Variants in FAM83D observed in about 807,000 individuals in gnomAD.
The protein encoded by FAM83D is protein FAM83D.
In FAM83D, 26 loss-of-function variants were observed where a neutral mutation model predicts 25.4. The observed-to-expected ratio is 1.02, with a 90% CI of 0.75 to 1.42. FAM83D has a LOEUF of 1.42. Ranked by LOEUF, FAM83D falls within the 40% of genes most tolerant of loss-of-function variation. The probability of loss-of-function intolerance (pLI) is 0.00; values close to 1 mark genes in which losing one functional copy is unlikely to be tolerated. For synonymous variants in FAM83D, 310 were observed against 318.5 expected, an observed-to-expected ratio of 0.97 and a Z score of 0.28; for missense variants, 740 against 758.1, an observed-to-expected ratio of 0.98 and a Z score of 0.28.
At chr20:38,948,206 A>T (rs1450538681) in intron 3 of FAM83D, among the ~76,000 whole-genome samples, 1 of 152,192 alleles carries the variant, frequency 6.6e-6, no homozygotes, top group Admixed American at 6.5e-5. Context: ...TGTAGTCCAT[A>T]GATTAAAATG....
At chr20:38,931,836 T>C (rs1385909981) in intron 1 of FAM83D, among the ~76,000 whole-genome samples, 1 of 152,242 alleles carries the variant, frequency 6.6e-6, no homozygotes, top group Non-Finnish European at 1.5e-5. Flanking sequence ...GTAAATACTG[T>C]AGGGGCCTAT....
Position 38,952,560 on chromosome 20 carries a change from A to G in FAM83D, c.*40A>G, listed in dbSNP as rs1158690585. 4 of 1,569,838 alleles carry G rather than the reference A, an allele frequency of 2.5e-6. No homozygotes were observed. Among genetic ancestry groups the G allele is most frequent in the East Asian group, 2.2e-5 (1 of 44,450 alleles). ...GACTCCTGGTTTCTTCCAGGCTTACAGTGGACATCATCAGCTTCCTGCTTT... is the reference window on the plus strand; with the variant it reads ...GACTCCTGGTTTCTTCCAGGCTTACGGTGGACATCATCAGCTTCCTGCTTT... On this transcript the variant is annotated 3_prime_UTR_variant, in exon 4 of 4. Coordinates refer to ENST00000619850, the MANE Select transcript of FAM83D (RefSeq NM_030919.3).
rs999357292 is a variant in FAM83D, at chr20:38,952,717, T to C, written c.*197T>C. On this transcript the variant is annotated 3_prime_UTR_variant, in exon 4 of 4. Transcript: ENST00000619850. ...ATGTATATACCAGGTATTGGTTTTA[T>C]GGTTTAAACACTATGGATACAGGGG... The C allele has an allele frequency of 3.1e-6, 2 of 646,568 alleles. No individual in the cohort carries two copies. Among genetic ancestry groups the C allele is most frequent in the South Asian group, 2.0e-5 (1 of 49,578 alleles). The allele number at this position is 646,568 out of a possible 1,614,324, so 40.1% of individuals were successfully genotyped here. A position where few individuals can be genotyped will look rare whatever the true frequency, so the allele number is the denominator to read the frequency against.
intron 1 of FAM83D, among the ~76,000 whole-genome samples, chr20:38,929,790 TAA>T (rs763008692): frequency 6.8e-4 from 88 of 128,650 alleles, no homozygotes; most frequent in African/African-American, 1.1e-3. Context: ...CCTGTCTCTT[TAA>T]AAAAAAAAAA....
intron 1 of FAM83D, among the ~76,000 whole-genome samples, chr20:38,929,727 A>G (rs1270098739): frequency 6.6e-6 from 1 of 151,184 alleles, no homozygotes; most frequent in Non-Finnish European, 1.5e-5. Flanking sequence ...GTAGTACACT[A>G]TGACTACGCT....
At chr20:38,938,169 C>T (rs774192379) in intron 1 of FAM83D, among the ~76,000 whole-genome samples, 35 of 152,360 alleles carry the variant, frequency 2.3e-4, no homozygotes, top group Admixed American at 3.3e-4. Context: ...TAGGTATTTA[C>T]TCACCATATA....
intron 1 of FAM83D, among the ~76,000 whole-genome samples, chr20:38,941,401 A>G (rs1350992183): frequency 6.6e-6 from 1 of 152,226 alleles, no homozygotes; most frequent in African/African-American, 2.4e-5. Flanking sequence ...TGAATGGGAC[A>G]GGCCTTAAAA....
At chr20:38,927,498 C>CTTT (rs1173092369) in intron 1 of FAM83D, among the ~76,000 whole-genome samples, 305 of 101,386 alleles carry the variant, frequency 3.0e-3, no homozygotes, top group Middle Eastern at 6.3e-3. Context: ...TCTTTCTTGT[C>CTTT]TTTTTTTTTT....
Position 38,935,886 on chromosome 20 carries a change from A to G in FAM83D, c.484-6073A>G, listed in dbSNP as rs528779998. ...CAAGATAGTTACTTAAAGGTTTTTG[A>G]CAAAATCCCAAGGAGATTATTTCTG... On this transcript the variant is annotated intron_variant, in intron 1 of 3. Transcript: ENST00000619850. Among the ~76,000 whole-genome samples the G allele has an allele frequency of 8.5e-4, 129 of 152,360 alleles. 1 individual carries two copies. Among genetic ancestry groups the G allele is most frequent in the African/African-American group, 3.0e-3 (125 of 41,580 alleles).
intron 1 of FAM83D, among the ~76,000 whole-genome samples, chr20:38,938,626 C>T (rs140190527): frequency 3.9e-5 from 6 of 152,312 alleles, no homozygotes; most frequent in African/African-American, 9.6e-5. Context: ...AAATCCGTTT[C>T]GAAGCTCACC....
In FAM83D at chr20:38,926,780, T is replaced by G; in HGVS notation, c.338T>G (p.Leu113Trp). ...PEQSDLEPPL[L>W]ELGWPAFYQG... ...CAGTCGGACCTGGAGCCACCGCTGT[T>G]GGAGCTTGGCTGGCCCGCCTTCTAC... Residue 113 changes from leucine (L) to tryptophan (W), a missense_variant, in exon 1 of 4, where the codon TTG becomes TGG. This residue lies in a region of FAM83D where 333 missense variants were observed against 298.6 expected (regional missense o/e 1.12). Coordinates refer to ENST00000619850, the MANE Select transcript of FAM83D (RefSeq NM_030919.3). 6.5e-7 allele frequency: 1 copy of G among 1,548,076 alleles called. No individual in the cohort carries two copies. The highest frequency in any genetic ancestry group is 8.7e-7 in the Non-Finnish European group (1 of 1,152,894).
At chr20:38,927,043 C>G (rs1204055695) in intron 1 of FAM83D, 118 bp downstream of exon 1, 1 of 1,377,646 alleles carries the variant, frequency 7.3e-7, no homozygotes, top group Admixed American at 3.6e-5. Flanking sequence ...ACCGGAAGCG[C>G]GCGCGGGCTA....
intron 1 of FAM83D, 60 bp from the exon 2 acceptor site, chr20:38,941,899 G>C (rs2085703683): frequency 6.5e-7 from 1 of 1,542,382 alleles, no homozygotes. Context: ...AGTCCAGAGA[G>C]CGTGCTGTAA....
Position 38,926,509 on chromosome 20 carries a change from A to G in FAM83D, c.67A>G (p.Asn23Asp). ...CTGCCTGTCGCCGTGCGGGCCGCCC[A>G]ACCCGACCGAGCTGTTCAGCGAGTC... ...AACLSPCGPP[N>D]PTELFSESRR... The change falls in exon 1 of 4, where the codon AAC (asparagine) becomes GAC (aspartate). Residue 23 changes from asparagine to aspartate, a missense_variant. Transcript: ENST00000619850. 1 of 1,595,526 alleles carries G rather than the reference A, an allele frequency of 6.3e-7. No individual in the cohort carries two copies.
At chr20:38,930,509 C>G (rs2087448696) in intron 1 of FAM83D, among the ~76,000 whole-genome samples, 1 of 152,020 alleles carries the variant, frequency 6.6e-6, no homozygotes, top group South Asian at 2.1e-4. Context: ...AAGACAGAGT[C>G]TTGCTCTGTC....
chr20:38,947,726 A>T, intron 2 of FAM83D, 150 bp from the exon 3 acceptor site: 1 of 801,496 alleles, frequency 1.2e-6, no homozygotes, highest in Non-Finnish European at 2.0e-6. Context: ...TGTACCATGT[A>T]TACTGTCACT....
In FAM83D at chr20:38,951,704, C is replaced by CA; in HGVS notation, c.943dup (p.Thr315AsnfsTer22). 6.2e-7 allele frequency: 1 copy of CA among 1,614,212 alleles called. No homozygotes were observed. Among genetic ancestry groups the CA allele is most frequent in the Non-Finnish European group, 8.5e-7 (1 of 1,180,044 alleles). On this transcript the variant is annotated frameshift_variant, in exon 4 of 4. Coordinates refer to ENST00000619850, the MANE Select transcript of FAM83D (RefSeq NM_030919.3). LOFTEE classifies it low-confidence loss of function (END_TRUNC). ...AGAGCAGCAACAAGTTTGATCACCTCACCAACCGAAAACCACAGTCCAAGG... is the reference window on the plus strand; with the variant it reads ...AGAGCAGCAACAAGTTTGATCACCTCAACCAACCGAAAACCACAGTCCAAGG...
intron 1 of FAM83D, among the ~76,000 whole-genome samples, chr20:38,940,338 T>A (rs1222732610): frequency 6.6e-6 from 1 of 151,866 alleles, no homozygotes; most frequent in Non-Finnish European, 1.5e-5. Context: ...GGCCCTGGAG[T>A]GTTGGAGAAA....
Position 38,926,488 on chromosome 20 carries a change from C to G in FAM83D, c.46C>G (p.Leu16Val), listed in dbSNP as rs772376318. 2.5e-6 allele frequency: 4 copies of G among 1,597,526 alleles called. No homozygotes were observed. The African/African-American group carries it at 5.3e-5, about 21-fold the overall frequency. Residue 16 changes from leucine (L) to valine (V), a missense_variant, in exon 1 of 4, where the codon CTG (leucine) becomes GTG (valine). Leu to Val is a conservative substitution (Grantham distance 32, BLOSUM62 1). This residue lies in a region of FAM83D where 333 missense variants were observed against 298.6 expected (regional missense o/e 1.12). Coordinates refer to ENST00000619850, the MANE Select transcript of FAM83D (RefSeq NM_030919.3). ...CCTGGACGAGGTGCCCGCCGCCTGC[C>G]TGTCGCCGTGCGGGCCGCCCAACCC... The part of the protein sequence containing the change: ...EGLDEVPAAC[L>V]SPCGPPNPTE...
Sources: gnomAD v4.1 joint callset for allele counts (sites outside exome capture counted in the v4.1 genomes callset) on GRCh38, gnomAD v4.1.1 for gene constraint, gnomAD v4.1.1 regional missense constraint, MANE v1.5 for transcripts, NCBI Gene and HGNC (gene_info 2026-07-23, HGNC 2026-07-21) for gene names.